Variants in RMDN2 observed in about 807,000 individuals in gnomAD.
The protein encoded by RMDN2 is regulator of microtubule dynamics protein 2.
A neutral mutation model predicts 52.8 loss-of-function variants in RMDN2; 61 were observed. The observed-to-expected ratio is 1.16, with a 90% CI of 0.94 to 1.43. The LOEUF (loss-of-function observed/expected upper bound fraction) is 1.43, where lower values mean the gene tolerates loss of function less well. Ranked by LOEUF, RMDN2 falls within the 40% of genes most tolerant of loss-of-function variation. The probability of loss-of-function intolerance (pLI) is 0.00; values close to 1 mark genes in which losing one functional copy is unlikely to be tolerated. For synonymous variants in RMDN2, 180 were observed against 153.1 expected (o/e 1.18, Z -1.30); for missense variants, 592 against 475.3 (o/e 1.25, Z -2.28).
rs753140736 is a variant in RMDN2, at chr2:38,004,154, G to A, written c.1117G>A (p.Glu373Lys). ...YLAKCYTDLE[E>K]NQNALKFCNL... ...TTTCCAGTGTTATACTGATCTTGAGGAAAACCAGAATGCTTTGAAGTTCTG... is the reference window on the plus strand; with the variant it reads ...TTTCCAGTGTTATACTGATCTTGAGAAAAACCAGAATGCTTTGAAGTTCTG... Residue 373 changes from glutamate to lysine, a missense_variant, in exon 10 of 11, where the codon GAA (glutamate) becomes AAA (lysine). Glu to Lys is a moderately conservative substitution (Grantham distance 56). Transcript: ENST00000354545. 14 of 1,613,748 alleles carry A rather than the reference G, an allele frequency of 8.7e-6. No homozygotes were observed. Among genetic ancestry groups the A allele is most frequent in the Non-Finnish European group, 1.2e-5 (14 of 1,179,790 alleles).
intron 2 of RMDN2, among the ~76,000 whole-genome samples, chr2:37,973,338 G>A (rs1385720486): frequency 6.6e-6 from 1 of 152,170 alleles, no homozygotes; most frequent in Non-Finnish European, 1.5e-5. Flanking sequence ...CTATAAATAT[G>A]TGTTTTTGTG....
intron 4 of RMDN2, among the ~76,000 whole-genome samples, chr2:37,978,763 G>A (rs186213511): frequency 7.1e-6 from 1 of 140,918 alleles, no homozygotes; most frequent in East Asian, 2.2e-4. Flanking sequence ...GGGTAACAGA[G>A]CAAGACCCTT....
At chr2:37,933,941 G>A (rs545866539) in intron 2 of RMDN2, among the ~76,000 whole-genome samples, 9 of 152,312 alleles carry the variant, frequency 5.9e-5, no homozygotes, top group African/African-American at 1.9e-4. Context: ...TAGACTGCCT[G>A]TCCTTTTATA....
At chr2:38,063,600 T>C (rs11674584) in intron 10 of RMDN2, among the ~76,000 whole-genome samples, 48,398 of 151,524 alleles carry the variant, frequency 0.32, 9,516 homozygotes, top group South Asian at 0.51. Flanking sequence ...GAAACTACCA[T>C]CAGAGTGAAC....
chr2:37,952,361 T>G (rs1668942593), intron 2 of RMDN2: 24 of 633,466 alleles, frequency 3.8e-5, no homozygotes, highest in Non-Finnish European at 6.0e-5. Flanking sequence ...GTAAATTTAA[T>G]TGCTGTAGTT....
At chr2:37,953,084 A>C (rs1342419188) in intron 2 of RMDN2, 4 of 151,732 alleles carry the variant, frequency 2.6e-5, no homozygotes, top group Admixed American at 2.6e-4. Context: ...ATGTCCCCCA[A>C]ATTTATTTCA....
chr2:37,951,676 TTAATC>T lies in RMDN2; in HGVS notation c.452+21951_452+21955del, dbSNP rs765117398. Reference sequence around the variant, plus strand: ...CCTCAAGCAAGTGGCCAGAATGTGTTTAATCTAAATGAAATCGAAATCTTTTCTAA... The same window carrying T: ...CCTCAAGCAAGTGGCCAGAATGTGTTTAAATGAAATCGAAATCTTTTCTAA... On this transcript the variant is annotated intron_variant, in intron 2 of 10. Coordinates refer to ENST00000354545, the MANE Select transcript of RMDN2 (RefSeq NM_001170791.3). 4 of 1,613,168 alleles carry T rather than the reference TTAATC, an allele frequency of 2.5e-6. No individual in the cohort carries two copies. The South Asian group carries it at 4.4e-5, about 18-fold the overall frequency.
intron 2 of RMDN2, among the ~76,000 whole-genome samples, chr2:37,953,767 A>T (rs145792379): frequency 6.6e-6 from 1 of 151,994 alleles, no homozygotes; most frequent in Non-Finnish European, 1.5e-5. Flanking sequence ...AGGAACTACC[A>T]TATTGTTTTC....
chr2:37,993,834 C>T (rs1675151694), intron 7 of RMDN2, among the ~76,000 whole-genome samples: 1 of 152,120 alleles, frequency 6.6e-6, no homozygotes, highest in East Asian at 1.9e-4. Context: ...AATTCATTTT[C>T]AGCCTTAACA....
intron 10 of RMDN2, among the ~76,000 whole-genome samples, chr2:38,013,427 C>T (rs146783577): frequency 6.6e-6 from 1 of 152,160 alleles, no homozygotes; most frequent in Non-Finnish European, 1.5e-5. Context: ...TCCAATGTTA[C>T]CAGAAACAAA....
Position 37,997,494 on chromosome 2 carries a change from GC to G in RMDN2, c.1025del (p.Ala342ValfsTer23), listed in dbSNP as rs771641521. 1.2e-6 allele frequency: 2 copies of G among 1,611,252 alleles called. No individual in the cohort carries two copies. On this transcript the variant is annotated frameshift_variant, in exon 8 of 11. Coordinates refer to ENST00000354545, the MANE Select transcript of RMDN2 (RefSeq NM_001170791.3). LOFTEE classifies it high-confidence loss of function. ...GKIPSSTVQE[A>X]LHNFLKAEEL... is the part of the protein sequence containing the mutation. ...AATACCATCTTCAACTGTACAAGAA[GC>G]TTTACACAATTTCCTTAAGGTACAT...
chr2:37,995,511 A>C (rs906979632), intron 7 of RMDN2, among the ~76,000 whole-genome samples: 1 of 152,216 alleles, frequency 6.6e-6, no homozygotes, highest in Non-Finnish European at 1.5e-5. Flanking sequence ...AAAATTGACC[A>C]AATTATAAGG....
At chr2:38,006,773 G>A (rs1677154653) in intron 10 of RMDN2, among the ~76,000 whole-genome samples, 3 of 152,172 alleles carry the variant, frequency 2.0e-5, no homozygotes, top group African/African-American at 7.2e-5. Context: ...GGGCATCCCT[G>A]TCTTGTGCCA....
At chr2:38,021,841 A>G (rs1486140298), downstream of RMDN2, among the ~76,000 whole-genome samples, 2 of 152,220 alleles carry the variant, frequency 1.3e-5, no homozygotes, top group African/African-American at 4.8e-5. Context: ...CCCACAGTTC[A>G]TGTCATGCTG....
chr2:37,943,138 G>T (rs1209640631), intron 2 of RMDN2, among the ~76,000 whole-genome samples: 1 of 152,214 alleles, frequency 6.6e-6, no homozygotes, highest in Non-Finnish European at 1.5e-5. Context: ...CATCCCACTA[G>T]TATGTTTATG....
chr2:37,999,826 G>T (rs6741636), intron 8 of RMDN2, among the ~76,000 whole-genome samples: 1 of 152,076 alleles, frequency 6.6e-6, no homozygotes, highest in African/African-American at 2.4e-5. Flanking sequence ...ATCCCGTAGA[G>T]GTTGAGAACA....
Position 38,017,637 on chromosome 2 carries a change from A to T in RMDN2, c.*398A>T. The T allele has an allele frequency of 9.1e-7, 1 of 1,095,590 alleles. No individual in the cohort carries two copies. The highest frequency in any genetic ancestry group is 1.2e-6 in the Non-Finnish European group (1 of 824,306). 67.9% of individuals were successfully genotyped at this position (1,095,590 alleles called of 1,614,324 possible). On this transcript the variant is annotated 3_prime_UTR_variant, in exon 11 of 11. Coordinates refer to ENST00000354545, the MANE Select transcript of RMDN2 (RefSeq NM_001170791.3). The stretch of plus-strand genomic sequence containing the variant: ...TGAAAAATGGAAAACTCAGCAAAGG[A>T]CATGAACAAGTTGTTGGCAGAAGAG...
intron 10 of RMDN2, among the ~76,000 whole-genome samples, chr2:38,040,336 C>T (rs1254054069): frequency 6.6e-6 from 1 of 152,128 alleles, no homozygotes; most frequent in Non-Finnish European, 1.5e-5. Flanking sequence ...CATGCTGGAA[C>T]TTAATGCCCG....
chr2:37,933,210 T>C (rs1666985221), intron 2 of RMDN2, among the ~76,000 whole-genome samples: 1 of 134,650 alleles, frequency 7.4e-6, no homozygotes, highest in Non-Finnish European at 1.6e-5. Context: ...TTCCCAGATG[T>C]GATGGTGGCC....
Sources: allele counts gnomAD v4.1 joint callset (sites outside exome capture counted in the v4.1 genomes callset), GRCh38; gene constraint gnomAD v4.1.1; transcripts MANE v1.5; gene names NCBI Gene and HGNC (gene_info 2026-07-23, HGNC 2026-07-21).